Variants in LCLAT1 observed in about 807,000 individuals in gnomAD.
LCLAT1 encodes 1-AGP acyltransferase 8.
In LCLAT1, 11 loss-of-function variants were observed where a neutral mutation model predicts 30.7. That is an observed-to-expected ratio of 0.36 (90% CI 0.23 to 0.59). LCLAT1 has a LOEUF of 0.59. LCLAT1 is among the 20% of genes least tolerant of loss of function. The probability of loss-of-function intolerance (pLI) is 0.77; values close to 1 mark genes in which losing one functional copy is unlikely to be tolerated. For missense variants in LCLAT1, 402 were observed against 458.6 expected (o/e 0.88, Z 1.13); for synonymous variants, 155 against 151.3 (o/e 1.02, Z -0.18).
Position 30,487,177 on chromosome 2 carries a change from A to T in LCLAT1, c.-4-38410A>T, listed in dbSNP as rs77944286. Among the ~76,000 whole-genome samples, 1,062 of 152,320 alleles carry T rather than the reference A, an allele frequency of 7.0e-3. 12 individuals are homozygous for T. The highest frequency in any genetic ancestry group is 0.025 in the African/African-American group (1,022 of 41,574). ...TTGGAAGAAAGTGACTTTGCCTTAT[A>T]ATTCTTTTGTATTTCCCATGGTACC... On this transcript the variant is annotated intron_variant, in intron 1 of 5. Coordinates refer to ENST00000379509, the MANE Select transcript of LCLAT1 (RefSeq NM_001002257.3).
intron 1 of LCLAT1, among the ~76,000 whole-genome samples, chr2:30,451,928 A>G (rs887294661): frequency 6.6e-6 from 1 of 152,286 alleles, no homozygotes; most frequent in Non-Finnish European, 1.5e-5. Flanking sequence ...ACAATGGATT[A>G]TGGATATATG....
At chr2:30,459,571 ACT>A (rs1682001124) in intron 1 of LCLAT1, 1 of 1,344,638 alleles carries the variant, frequency 7.4e-7, no homozygotes, top group Non-Finnish European at 1.1e-6. Flanking sequence ...CAGAGTGGGT[ACT>A]CTCTTCTGGG....
In LCLAT1 at chr2:30,525,667, GT is replaced by G. The variant is rs1685681318; in HGVS notation, c.78del (p.Leu29TyrfsTer3). The G allele has an allele frequency of 1.9e-6, 3 of 1,613,912 alleles. No individual in the cohort carries two copies. Among genetic ancestry groups the G allele is most frequent in the African/African-American group, 1.3e-5 (1 of 74,916 alleles). On this transcript the variant is annotated frameshift_variant, in exon 2 of 6. Transcript: ENST00000379509. LOFTEE classifies it high-confidence loss of function. ...TTTTTTGGAAGCATTTTCATGCTGA[GT>G]CCCTTTTTACCTTTGATGTTTGTAA... ...GSFFGSIFML[S>X]PFLPLMFVNP...
At chr2:30,562,519 AAACAAAACAG>A (rs1665282014) in intron 4 of LCLAT1, among the ~76,000 whole-genome samples, 2 of 152,092 alleles carry the variant, frequency 1.3e-5, no homozygotes, top group South Asian at 4.1e-4. Flanking sequence ...AAACAAAACA[AAACAAAACAG>A]AAAAATTAAT....
intron 5 of LCLAT1, among the ~76,000 whole-genome samples, chr2:30,608,483 T>G (rs924062760): frequency 6.6e-6 from 1 of 152,010 alleles, no homozygotes. Flanking sequence ...ACTCACTGAC[T>G]CACCCAGAGC....
chr2:30,541,377 G>A (rs1664127242), intron 3 of LCLAT1, among the ~76,000 whole-genome samples: 2 of 152,028 alleles, frequency 1.3e-5, no homozygotes, highest in South Asian at 4.1e-4. Context: ...GGGTAGCAGA[G>A]TGTGACCCTG....
At chr2:30,589,289 G>T (rs898354993) in intron 5 of LCLAT1, among the ~76,000 whole-genome samples, 9 of 152,140 alleles carry the variant, frequency 5.9e-5, no homozygotes, top group African/African-American at 2.2e-4. Flanking sequence ...GTCCTCTTTG[G>T]TAGGGGAGTT....
At chr2:30,524,061 A>T (rs1006017177) in intron 1 of LCLAT1, among the ~76,000 whole-genome samples, 1 of 58,112 alleles carries the variant, frequency 1.7e-5, no homozygotes, top group Non-Finnish European at 3.2e-5. Context: ...TGCTATATAG[A>T]TTATAAGGCT....
intron 1 of LCLAT1, among the ~76,000 whole-genome samples, chr2:30,520,491 T>A (rs1407102848): frequency 6.6e-6 from 1 of 152,210 alleles, no homozygotes. Flanking sequence ...CCAAGTTACC[T>A]GGCTTAAAGT....
At chr2:30,634,093 C>T (rs1262886313) in intron 5 of LCLAT1, among the ~76,000 whole-genome samples, 2 of 152,160 alleles carry the variant, frequency 1.3e-5, no homozygotes, top group African/African-American at 2.4e-5. Context: ...ATAAAGTACT[C>T]AAGATTTCCT....
intron 3 of LCLAT1, among the ~76,000 whole-genome samples, chr2:30,547,374 A>G (rs1465416618): frequency 6.6e-6 from 1 of 152,200 alleles, no homozygotes; most frequent in East Asian, 1.9e-4. Context: ...GTTATTCCAC[A>G]TATTACTTAA....
chr2:30,487,265 A>G (rs1683602897), intron 1 of LCLAT1, among the ~76,000 whole-genome samples: 1 of 152,234 alleles, frequency 6.6e-6, no homozygotes, highest in African/African-American at 2.4e-5. Context: ...TTTAAAGCAT[A>G]GATACTGGAG....
At chr2:30,461,976 G>GCACA (rs1257598939) in intron 1 of LCLAT1, among the ~76,000 whole-genome samples, 1 of 151,566 alleles carries the variant, frequency 6.6e-6, no homozygotes, top group African/African-American at 2.4e-5. Flanking sequence ...GTTTCACTGT[G>GCACA]TTAGCCAGGA....
Position 30,546,976 on chromosome 2 carries a change from G to A in LCLAT1, c.364+13662G>A, listed in dbSNP as rs116066156. On this transcript the variant is annotated intron_variant, in intron 3 of 5. Coordinates refer to ENST00000379509, the MANE Select transcript of LCLAT1 (RefSeq NM_001002257.3). ...AGATTCATCTTATTGGCGATTTTGTGCCAGGAAACTCACATGCTAGTTGTC... is the reference window on the plus strand; with the variant it reads ...AGATTCATCTTATTGGCGATTTTGTACCAGGAAACTCACATGCTAGTTGTC... Among the ~76,000 whole-genome samples, 1,008 of 152,120 alleles carry A rather than the reference G, an allele frequency of 6.6e-3. 10 individuals are homozygous for A. Among genetic ancestry groups the A allele is most frequent in the African/African-American group, 0.023 (957 of 41,474 alleles).
chr2:30,489,724 A>T (rs1234152557), intron 1 of LCLAT1, among the ~76,000 whole-genome samples: 1 of 152,164 alleles, frequency 6.6e-6, no homozygotes, highest in Non-Finnish European at 1.5e-5. Flanking sequence ...CAAAGAAGAA[A>T]GAGTAATTCT....
chr2:30,617,787 T>C (rs1457805040), intron 5 of LCLAT1, among the ~76,000 whole-genome samples: 1 of 152,200 alleles, frequency 6.6e-6, no homozygotes, highest in Non-Finnish European at 1.5e-5. Flanking sequence ...GTCTTTCATA[T>C]ACCTTCACTG....
At chr2:30,534,927 G>C (rs1272291520) in intron 3 of LCLAT1, among the ~76,000 whole-genome samples, 3 of 152,146 alleles carry the variant, frequency 2.0e-5, no homozygotes, top group African/African-American at 7.2e-5. Flanking sequence ...CCAGTAGCAA[G>C]ATTGATTCTA....
chr2:30,533,355 T>C (rs373054367), intron 3 of LCLAT1, 41 bp downstream of exon 3: 8 of 1,504,976 alleles, frequency 5.3e-6, no homozygotes, highest in Middle Eastern at 1.7e-4. Context: ...TCATTCATTT[T>C]AGATGTAATG....
chr2:30,480,944 C>T (rs994802440), intron 1 of LCLAT1, among the ~76,000 whole-genome samples: 5 of 152,130 alleles, frequency 3.3e-5, no homozygotes, highest in Admixed American at 1.3e-4. Context: ...GAGCCATAAA[C>T]GAAGCACTCA....
Sources: gnomAD v4.1 joint callset for allele counts (sites outside exome capture counted in the v4.1 genomes callset) on GRCh38, gnomAD v4.1.1 for gene constraint, MANE v1.5 for transcripts, NCBI Gene and HGNC (gene_info 2026-07-23, HGNC 2026-07-21) for gene names.